The following VRK2 variants were observed in gnomAD, a reference collection of about 807,000 sequenced individuals.
VRK2 encodes serine/threonine-protein kinase VRK2.
A neutral mutation model predicts 57.6 loss-of-function variants in VRK2; 60 were observed. That is an observed-to-expected ratio of 1.04 (90% CI 0.85 to 1.29). The LOEUF (loss-of-function observed/expected upper bound fraction) is 1.29. Among genes scored for constraint, VRK2 ranks in the 50% most tolerant of loss-of-function variants. The pLI, the probability that VRK2 is intolerant of heterozygous loss-of-function variation, is 0.00. For synonymous variants in VRK2, 231 were observed against 199.2 expected, an observed-to-expected ratio of 1.16 and a Z score of -1.35; for missense variants, 705 against 588.1, an observed-to-expected ratio of 1.20 and a Z score of -2.06.
At chr2:57,962,990 G>A (rs998929364) in intron 1 of VRK2, among the ~76,000 whole-genome samples, 16 of 152,118 alleles carry the variant, frequency 1.1e-4, no homozygotes, top group African/African-American at 3.6e-4. Context: ...CACCAGTAAC[G>A]GCCAGCTTGC....
intron 1 of VRK2, among the ~76,000 whole-genome samples, chr2:57,999,175 C>T (rs1044624766): frequency 2.0e-5 from 3 of 152,092 alleles, no homozygotes; most frequent in African/African-American, 7.2e-5. Flanking sequence ...AAATCAACTT[C>T]GTCACTCTGT....
In VRK2 at chr2:58,048,820, C is replaced by G. The variant is rs1675271880; in HGVS notation, c.-5-7C>G. ...TTACCCATTTATCTCACCCCTTCTG[C>G]CAACAGAAGTGATGCCACCAAAAAG... On this transcript the variant is annotated splice_polypyrimidine_tract_variant and splice_region_variant and intron_variant, in intron 1 of 12. Transcript: ENST00000340157. The G allele has an allele frequency of 6.2e-7, 1 of 1,612,108 alleles. No homozygotes were observed. The highest frequency in any genetic ancestry group is 8.5e-7 in the Non-Finnish European group (1 of 1,179,092).
At chr2:58,106,787 G>A (rs906401834) in intron 7 of VRK2, among the ~76,000 whole-genome samples, 1 of 151,958 alleles carries the variant, frequency 6.6e-6, no homozygotes, top group Non-Finnish European at 1.5e-5. Context: ...AAAGATAAAA[G>A]ATAAACTATA....
At chr2:58,012,763 A>T (rs1373557776) in intron 1 of VRK2, among the ~76,000 whole-genome samples, 1 of 152,258 alleles carries the variant, frequency 6.6e-6, no homozygotes, top group Non-Finnish European at 1.5e-5. Context: ...TGCCAGGTAT[A>T]AAAAGGACAA....
chr2:58,131,244 G>A (rs1679144777), intron 8 of VRK2, among the ~76,000 whole-genome samples: 3 of 150,768 alleles, frequency 2.0e-5, no homozygotes, highest in African/African-American at 7.3e-5. Flanking sequence ...GTATTTTCAT[G>A]TGATTGAAAA....
intron 1 of VRK2, among the ~76,000 whole-genome samples, chr2:58,005,672 TA>T (rs1469799534): frequency 6.6e-6 from 1 of 152,102 alleles, no homozygotes; most frequent in Admixed American, 6.5e-5. Flanking sequence ...AGAGGGTCAG[TA>T]AAAACATTCA....
intron 1 of VRK2, among the ~76,000 whole-genome samples, chr2:57,930,832 TATC>T (rs1670699059): frequency 6.6e-6 from 1 of 152,196 alleles, no homozygotes; most frequent in Admixed American, 6.5e-5. Context: ...ATATAAGAGA[TATC>T]ATGCAGTATT....
intron 1 of VRK2, among the ~76,000 whole-genome samples, chr2:57,949,302 T>A (rs948819525): frequency 6.6e-6 from 1 of 152,218 alleles, no homozygotes; most frequent in Non-Finnish European, 1.5e-5. Flanking sequence ...TTTTTATGAA[T>A]TGAAGCTTTG....
chr2:58,122,335 C>T (rs969068782), intron 7 of VRK2, among the ~76,000 whole-genome samples: 1 of 152,144 alleles, frequency 6.6e-6, no homozygotes, highest in African/African-American at 2.4e-5. Flanking sequence ...TAATTTTTGA[C>T]TCCAAAAACG....
At chr2:57,977,890 C>G (rs1672298709) in intron 1 of VRK2, among the ~76,000 whole-genome samples, 1 of 150,948 alleles carries the variant, frequency 6.6e-6, no homozygotes, top group East Asian at 1.9e-4. Flanking sequence ...GAGTCATGTC[C>G]CTTCAATGAC....
At chr2:57,980,040 G>A (rs563918770) in intron 1 of VRK2, among the ~76,000 whole-genome samples, 2 of 152,148 alleles carry the variant, frequency 1.3e-5, no homozygotes, top group African/African-American at 2.4e-5. Flanking sequence ...ACTTCGTTCA[G>A]TTCAGCTTTG....
chr2:58,138,431 A>G (rs1393555517), intron 10 of VRK2, among the ~76,000 whole-genome samples: 1 of 152,190 alleles, frequency 6.6e-6, no homozygotes. Context: ...GTGTCAAGGA[A>G]GAAAAGCCCA....
chr2:58,049,765 G>C (rs34938388), intron 2 of VRK2, among the ~76,000 whole-genome samples: 2,453 of 152,268 alleles, frequency 0.016, 27 homozygotes, highest in Non-Finnish European at 0.026. Context: ...AGATTAAGGA[G>C]TTGATAAAAT....
At chr2:58,144,310 G>A (rs1199391903) in intron 11 of VRK2, among the ~76,000 whole-genome samples, 1 of 151,914 alleles carries the variant, frequency 6.6e-6, no homozygotes, top group Non-Finnish European at 1.5e-5. Context: ...TGAGTTCTGG[G>A]GATCTGATGT....
At chr2:58,006,080 G>C (rs1432685460) in intron 1 of VRK2, among the ~76,000 whole-genome samples, 2 of 152,132 alleles carry the variant, frequency 1.3e-5, no homozygotes, top group African/African-American at 4.8e-5. Context: ...AAGGTAAAAA[G>C]TATAACCCCT....
At chr2:57,984,274 CA>C (rs965345196) in intron 1 of VRK2, among the ~76,000 whole-genome samples, 94 of 148,368 alleles carry the variant, frequency 6.3e-4, no homozygotes, top group East Asian at 2.0e-3. Context: ...CACAACCTAA[CA>C]AAAAAAAAGC....
At chr2:57,968,619 G>C (rs114769252) in intron 1 of VRK2, among the ~76,000 whole-genome samples, 1 of 151,920 alleles carries the variant, frequency 6.6e-6, no homozygotes, top group African/African-American at 2.4e-5. Flanking sequence ...TAAGATTATC[G>C]ATGTTATCAG....
chr2:57,930,998 T>G (rs1287954202), intron 1 of VRK2, among the ~76,000 whole-genome samples: 2 of 152,062 alleles, frequency 1.3e-5, no homozygotes, highest in Non-Finnish European at 2.9e-5. Flanking sequence ...TTCATACATA[T>G]TATATATTAT....
At chr2:58,134,108 C>T (rs1356720901) in intron 9 of VRK2, among the ~76,000 whole-genome samples, 3 of 152,110 alleles carry the variant, frequency 2.0e-5, no homozygotes, top group Non-Finnish European at 1.5e-5. Flanking sequence ...TGACCTTCTC[C>T]TGCCCTCTTG....
Sources: allele counts gnomAD v4.1 joint callset (sites outside exome capture counted in the v4.1 genomes callset), GRCh38; gene constraint gnomAD v4.1.1; transcripts MANE v1.5; gene names NCBI Gene and HGNC (gene_info 2026-07-23, HGNC 2026-07-21).